Variants in AMOTL1 observed in about 807,000 individuals in gnomAD.
The protein encoded by AMOTL1 is angiomotin-like protein 1.
In AMOTL1, 45 loss-of-function variants were observed where a neutral mutation model predicts 102.9. The observed-to-expected ratio is 0.44, with a 90% CI of 0.34 to 0.56. The LOEUF is 0.56. AMOTL1 is among the 20% of genes least tolerant of loss of function. The pLI, the probability that AMOTL1 is intolerant of heterozygous loss-of-function variation, is 0.01. For missense variants in AMOTL1, 1,114 were observed against 1,225.6 expected, an observed-to-expected ratio of 0.91 and a Z score of 1.36; for synonymous variants, 481 against 484.7, an observed-to-expected ratio of 0.99 and a Z score of 0.10.
chr11:94,711,415 T>C (rs760587994), intron 1 of AMOTL1, among the ~76,000 whole-genome samples: 2 of 152,112 alleles, frequency 1.3e-5, no homozygotes, highest in Non-Finnish European at 2.9e-5. Context: ...TAATTGACAT[T>C]GGTACGATCC....
At chr11:94,795,989 TG>T (rs1951358988) in intron 2 of AMOTL1, among the ~76,000 whole-genome samples, 3 of 152,210 alleles carry the variant, frequency 2.0e-5, no homozygotes. Context: ...TATGGTAGAG[TG>T]AAAGAGCAGA....
At chr11:94,752,565 A>G (rs1950669981) in intron 3 of AMOTL1, among the ~76,000 whole-genome samples, 2 of 152,174 alleles carry the variant, frequency 1.3e-5, no homozygotes, top group South Asian at 4.1e-4. Flanking sequence ...ATGTATAAAC[A>G]TTTATTTCTG....
At chr11:94,740,866 G>GGAGAGAGA in intron 2 of AMOTL1, 2 of 1,109,874 alleles carry the variant, frequency 1.8e-6, no homozygotes, top group South Asian at 2.6e-5. Context: ...ACCTGCGCTT[G>GGAGAGAGA]AGCTGGTGCT....
intron 2 of AMOTL1, among the ~76,000 whole-genome samples, chr11:94,735,212 G>T (rs1427469453): frequency 6.6e-6 from 1 of 152,220 alleles, no homozygotes; most frequent in Non-Finnish European, 1.5e-5. Flanking sequence ...CTGGGCAGGG[G>T]CTTGATGGCA....
At chr11:94,727,582 C>A (rs1026138576) in intron 1 of AMOTL1, among the ~76,000 whole-genome samples, 1 of 152,118 alleles carries the variant, frequency 6.6e-6, no homozygotes, top group Non-Finnish European at 1.5e-5. Flanking sequence ...GGCTGCAAGT[C>A]TGGGAGGCCT....
intron 3 of AMOTL1, 23 bp from the exon 4 acceptor site, chr11:94,821,507 T>C (rs761358861): frequency 3.8e-5 from 61 of 1,606,264 alleles, no homozygotes; most frequent in Non-Finnish European, 5.0e-5. Context: ...AGGCTCTAAC[T>C]GCTGCCTTCC....
intron 3 of AMOTL1, among the ~76,000 whole-genome samples, chr11:94,815,041 G>C (rs1951742501): frequency 6.6e-6 from 1 of 152,124 alleles, no homozygotes; most frequent in Non-Finnish European, 1.5e-5. Flanking sequence ...AGTAGACTTT[G>C]AGCCAAATGC....
At chr11:94,773,090 G>T (rs1950978046) in intron 1 of AMOTL1, among the ~76,000 whole-genome samples, 2 of 152,264 alleles carry the variant, frequency 1.3e-5, no homozygotes, top group Admixed American at 1.3e-4. Context: ...AGCTTTAAGA[G>T]TTCTTTATAT....
rs534605287 is a variant in AMOTL1, at chr11:94,732,000, C to T, written c.85+2945C>T. 7.1e-4 allele frequency among the ~76,000 whole-genome samples: 108 copies of T among 152,350 alleles called. 1 individual carries two copies. Among genetic ancestry groups the T allele is most frequent in the South Asian group, 5.6e-3 (27 of 4,828 alleles). On this transcript the variant is annotated intron_variant, in intron 2 of 4. Coordinates refer to the AMOTL1 transcript ENST00000299004. ...ATCCAAGCTCACAGCAGGGCTCTCC[C>T]CTACAGCCATCTCAGCTCATGCATA...
At chr11:94,722,875 G>C (rs1460821211) in intron 1 of AMOTL1, among the ~76,000 whole-genome samples, 1 of 152,126 alleles carries the variant, frequency 6.6e-6, no homozygotes, top group Non-Finnish European at 1.5e-5. Flanking sequence ...AAAAAACTAA[G>C]CTCTGGGGAG....
chr11:94,743,269 G>T (rs1950550330), intron 3 of AMOTL1, among the ~76,000 whole-genome samples: 1 of 152,206 alleles, frequency 6.6e-6, no homozygotes, highest in Non-Finnish European at 1.5e-5. Context: ...CTCTTAAAGT[G>T]CTGTGAGGGG....
intron 3 of AMOTL1, among the ~76,000 whole-genome samples, chr11:94,815,657 CT>C (rs1951752983): frequency 6.6e-6 from 1 of 151,826 alleles, no homozygotes; most frequent in Admixed American, 6.6e-5. Flanking sequence ...TAATATTTGT[CT>C]CATTCAAAGT....
chr11:94,719,566 A>ATGTATG (rs1555056073), intron 1 of AMOTL1, among the ~76,000 whole-genome samples: 1 of 148,134 alleles, frequency 6.8e-6, no homozygotes, highest in African/African-American at 2.5e-5. Flanking sequence ...CAGAGCGAAA[A>ATGTATG]TGTGTGTGTG....
intron 1 of AMOTL1, among the ~76,000 whole-genome samples, chr11:94,728,639 G>A (rs1215018686): frequency 6.6e-6 from 1 of 152,052 alleles, no homozygotes; most frequent in Non-Finnish European, 1.5e-5. Flanking sequence ...AATTCTAGGA[G>A]TCTATAAACT....
At position 94,768,375 on chromosome 11, in the gene AMOTL1, G is replaced by A. The variant is rs889332424; in HGVS notation, c.-137G>A. The A allele has an allele frequency of 3.4e-6, 5 of 1,486,272 alleles. No homozygotes were observed. In the African/African-American group the frequency reaches 7.0e-5, roughly 21 times the overall value. 92.1% of individuals were successfully genotyped at this position (1,486,272 alleles called of 1,614,324 possible). A position where few individuals can be genotyped will look rare whatever the true frequency, so the allele number is the denominator to read the frequency against. On this transcript the variant is annotated 5_prime_UTR_variant, in exon 1 of 13. Transcript: ENST00000433060. ...GGCGGGAGCGCGCGAGAAGCTCTAG[G>A]ACCCAGCAGCGGTTGTCGGGTTTGG...
chr11:94,740,905 T>C (rs1261474487), intron 2 of AMOTL1: 2 of 1,288,014 alleles, frequency 1.6e-6, no homozygotes, highest in Admixed American at 2.3e-5. Context: ...ATGGTAGCGA[T>C]TCGAGTTGTT....
chr11:94,861,589 G>A (rs561807974), intron 9 of AMOTL1, among the ~76,000 whole-genome samples: 219 of 152,282 alleles, frequency 1.4e-3, no homozygotes, highest in Middle Eastern at 6.8e-3. Flanking sequence ...CTGACTGTGC[G>A]TGTGTGATCT....
At chr11:94,840,267 C>T (rs1952269774) in intron 6 of AMOTL1, among the ~76,000 whole-genome samples, 1 of 152,154 alleles carries the variant, frequency 6.6e-6, no homozygotes, top group African/African-American at 2.4e-5. Context: ...TAGTGAGAGC[C>T]TACAGCTGTA....
chr11:94,712,184 C>T (rs942927220), intron 1 of AMOTL1, among the ~76,000 whole-genome samples: 6 of 151,854 alleles, frequency 4.0e-5, no homozygotes, highest in East Asian at 1.9e-4. Flanking sequence ...TTTGTGTTTG[C>T]GTAATGGGCA....
Sources: allele counts gnomAD v4.1 joint callset (sites outside exome capture counted in the v4.1 genomes callset), GRCh38; gene constraint gnomAD v4.1.1; transcripts MANE v1.5; gene names NCBI Gene and HGNC (gene_info 2026-07-23, HGNC 2026-07-21).